Variants in PTPRD observed in about 807,000 individuals in gnomAD.
PTPRD encodes protein tyrosine phosphatase receptor type D.
A neutral mutation model predicts 214.5 loss-of-function variants in PTPRD; 34 were observed. The observed-to-expected ratio is 0.16, with a 90% CI of 0.12 to 0.21. The LOEUF is 0.21. Among genes scored for constraint, PTPRD ranks in the 10% least tolerant of loss-of-function variants. The pLI is 1.00. For missense variants in PTPRD, 2,545 were observed against 2,398.7 expected (o/e 1.06, Z -1.27); for synonymous variants, 1,128 against 845.7 (o/e 1.33, Z -5.79).
intron 3 of PTPRD, among the ~76,000 whole-genome samples, chr9:10,083,140 T>C (rs932577046): frequency 3.3e-5 from 5 of 152,002 alleles, no homozygotes; most frequent in African/African-American, 1.2e-4. Flanking sequence ...ATATACCCTA[T>C]CCTTAAAGAT....
intron 9 of PTPRD, among the ~76,000 whole-genome samples, chr9:9,251,558 C>T (rs892582920): frequency 6.6e-6 from 1 of 151,996 alleles, no homozygotes; most frequent in African/African-American, 2.4e-5. Flanking sequence ...GTTGAATGTA[C>T]TTTCCTTCGG....
intron 11 of PTPRD, among the ~76,000 whole-genome samples, chr9:8,937,618 A>G (rs2099006420): frequency 6.6e-6 from 1 of 152,120 alleles, no homozygotes; most frequent in Non-Finnish European, 1.5e-5. Context: ...GCAGCTTGGA[A>G]TGTTTTTCTC....
At chr9:10,432,658 T>A (rs1264900436) in intron 2 of PTPRD, among the ~76,000 whole-genome samples, 1 of 151,938 alleles carries the variant, frequency 6.6e-6, no homozygotes, top group Non-Finnish European at 1.5e-5. Flanking sequence ...TCATTGAATA[T>A]ACTGATTAAA....
intron 11 of PTPRD, among the ~76,000 whole-genome samples, chr9:8,852,604 CT>C (rs1478256615): frequency 6.6e-6 from 1 of 152,226 alleles, no homozygotes; most frequent in African/African-American, 2.4e-5. Flanking sequence ...CTCAATACTA[CT>C]TGCCTGCTGG....
chr9:10,572,503 T>C (rs1222506159), intron 2 of PTPRD, among the ~76,000 whole-genome samples: 1 of 152,152 alleles, frequency 6.6e-6, no homozygotes, highest in African/African-American at 2.4e-5. Flanking sequence ...GGACAAAGAA[T>C]GATGTCCTCA....
intron 3 of PTPRD, among the ~76,000 whole-genome samples, chr9:10,138,269 T>G (rs74912743): frequency 0.023 from 3,548 of 152,010 alleles, 60 homozygotes; most frequent in Middle Eastern, 0.068. Context: ...CCCCTATCCA[T>G]ACAAAGTAGG....
intron 14 of PTPRD, among the ~76,000 whole-genome samples, chr9:8,532,656 A>T (rs1243435903): frequency 6.6e-6 from 1 of 152,064 alleles, no homozygotes; most frequent in African/African-American, 2.4e-5. Context: ...ATATTCAATC[A>T]TGCAGAATTA....
At chr9:8,466,955 A>C (rs1382050410) in intron 31 of PTPRD, among the ~76,000 whole-genome samples, 1 of 151,800 alleles carries the variant, frequency 6.6e-6, no homozygotes, top group Non-Finnish European at 1.5e-5. Flanking sequence ...ATATATGATA[A>C]ACACTGAATT....
rs143569268 is a variant in PTPRD, at chr9:9,299,140, G to A, written c.-203+98309C>T. 7.3e-3 allele frequency among the ~76,000 whole-genome samples: 1,111 copies of A among 151,548 alleles called. 13 individuals are homozygous for A. Among genetic ancestry groups the A allele is most frequent in the Non-Finnish European group, 0.01 (710 of 67,734 alleles). ...CTCCAGCAAATATAGGGAGGTGAAC[G>A]GTAAATCCAATAGAATAGCAAATTG... On this transcript the variant is annotated intron_variant, in intron 9 of 45. Coordinates refer to ENST00000381196, the MANE Select transcript of PTPRD (RefSeq NM_002839.4).
chr9:9,784,990 C>T (rs2098909706), intron 5 of PTPRD, among the ~76,000 whole-genome samples: 1 of 150,734 alleles, frequency 6.6e-6, no homozygotes, highest in Non-Finnish European at 1.5e-5. Context: ...CTGCTTTCAC[C>T]AACACGGTTT....
chr9:8,434,604 G>A (rs899442798), intron 35 of PTPRD, among the ~76,000 whole-genome samples: 3 of 152,184 alleles, frequency 2.0e-5, no homozygotes, highest in African/African-American at 4.8e-5. Flanking sequence ...TCATATTTCC[G>A]TAATTTGTAA....
chr9:9,728,070 C>T (rs986833239), intron 7 of PTPRD, among the ~76,000 whole-genome samples: 10 of 152,074 alleles, frequency 6.6e-5, no homozygotes, highest in African/African-American at 1.7e-4. Context: ...TGCGATCTGA[C>T]GGCTTTATAA....
At chr9:10,309,445 C>G (rs995765288) in intron 3 of PTPRD, among the ~76,000 whole-genome samples, 1 of 151,856 alleles carries the variant, frequency 6.6e-6, no homozygotes, top group Non-Finnish European at 1.5e-5. Flanking sequence ...CTCCCCTTCC[C>G]GGGTTCAATC....
intron 11 of PTPRD, among the ~76,000 whole-genome samples, chr9:8,804,624 C>A (rs1004079894): frequency 6.6e-6 from 1 of 151,818 alleles, no homozygotes; most frequent in African/African-American, 2.4e-5. Context: ...CCCCTCCCGC[C>A]CCACCCCTTC....
chr9:8,681,031 T>C (rs1032737891), intron 12 of PTPRD, among the ~76,000 whole-genome samples: 2 of 152,178 alleles, frequency 1.3e-5, no homozygotes, highest in East Asian at 3.9e-4. Context: ...CACTTTTTGG[T>C]ATTCCTCCTC....
chr9:8,532,845 T>C (rs1380038230), intron 14 of PTPRD, among the ~76,000 whole-genome samples: 1 of 152,064 alleles, frequency 6.6e-6, no homozygotes, highest in Non-Finnish European at 1.5e-5. Context: ...GCACCCTCTT[T>C]GAATCTGTTG....
chr9:8,861,878 A>T (rs1247787385), intron 11 of PTPRD: 3 of 152,254 alleles, frequency 2.0e-5, no homozygotes, highest in Non-Finnish European at 4.4e-5. Flanking sequence ...GTGTTAGCTT[A>T]TGTCTAATAC....
chr9:9,906,101 G>T (rs2077506118), intron 5 of PTPRD, among the ~76,000 whole-genome samples: 1 of 151,978 alleles, frequency 6.6e-6, no homozygotes, highest in Non-Finnish European at 1.5e-5. Flanking sequence ...CAAACTCCTG[G>T]AGTTTTGTGC....
chr9:9,507,157 A>C (rs73405083), intron 8 of PTPRD, among the ~76,000 whole-genome samples: 4,131 of 151,504 alleles, frequency 0.027, 196 homozygotes, highest in African/African-American at 0.094. Flanking sequence ...CAAGAGAATG[A>C]TTCTAATATA....
Sources: allele counts gnomAD v4.1 joint callset (sites outside exome capture counted in the v4.1 genomes callset), GRCh38; gene constraint gnomAD v4.1.1; transcripts MANE v1.5; gene names NCBI Gene and HGNC (gene_info 2026-07-23, HGNC 2026-07-21).